Variants in COBL observed in about 807,000 individuals in gnomAD.
COBL encodes cordon-bleu WH2 repeat protein, also known as protein cordon-bleu.
A neutral mutation model predicts 98.8 loss-of-function variants in COBL; 51 were observed. That is an observed-to-expected ratio of 0.52 (90% CI 0.41 to 0.65). COBL has a LOEUF of 0.65. COBL is among the 30% of genes least tolerant of loss of function. The pLI, the probability that COBL is intolerant of heterozygous loss-of-function variation, is 0.00. For missense variants in COBL, 1,617 were observed against 1,617.5 expected (o/e 1.00, Z 0.01); for synonymous variants, 634 against 651.7 (o/e 0.97, Z 0.41).
intron 1 of COBL, among the ~76,000 whole-genome samples, chr7:51,281,338 C>G (rs1487735994): frequency 6.6e-6 from 1 of 152,010 alleles, no homozygotes; most frequent in Non-Finnish European, 1.5e-5. Context: ...TCAATGGGAT[C>G]CTAGAAAGAA....
intron 2 of COBL, among the ~76,000 whole-genome samples, chr7:51,215,018 A>G (rs1447461558): frequency 1.3e-5 from 2 of 151,694 alleles, no homozygotes; most frequent in East Asian, 1.9e-4. Flanking sequence ...TTTTTTTTCT[A>G]CTTGCTGAGG....
At chr7:51,222,689 A>C (rs1793763878) in intron 1 of COBL, among the ~76,000 whole-genome samples, 2 of 152,032 alleles carry the variant, frequency 1.3e-5, no homozygotes, top group African/African-American at 4.8e-5. Context: ...CGGAGACATT[A>C]GCATTACCTC....
intron 7 of COBL, chr7:51,065,465 G>A (rs1192113648): frequency 1.4e-5 from 10 of 691,656 alleles, no homozygotes; most frequent in Middle Eastern, 2.3e-4. Flanking sequence ...GGGGCAAGGA[G>A]GAAATTCAAA....
intron 1 of COBL, among the ~76,000 whole-genome samples, chr7:51,221,402 C>A (rs891935821): frequency 6.6e-6 from 1 of 152,180 alleles, no homozygotes; most frequent in Non-Finnish European, 1.5e-5. Context: ...TAATGGCAAA[C>A]AAATAACCCA....
chr7:51,029,031 G>C lies in COBL; in HGVS notation c.2065C>G (p.His689Asp). ...KNAALAPTSWHQRGQNPGKSY... is the reference protein window; with the variant it reads ...KNAALAPTSWDQRGQNPGKSY... ...TTCCCTGGGTTTTGGCCTCGTTGGT[G>C]CCATGATGTTGGTGCCAAGGCAGCG... The change falls in exon 10 of 13, where the codon CAC becomes GAC. Residue 689 changes from histidine (H) to aspartate (D), a missense_variant. By Grantham distance (81) the His-to-Asp change is moderately conservative (BLOSUM62 -1). This residue lies in a region of COBL where 1,304 missense variants were observed against 1,282.0 expected (regional missense o/e 1.02). Transcript: ENST00000265136. 1 of 1,614,178 alleles carries C rather than the reference G, an allele frequency of 6.2e-7. No homozygotes were observed. The highest frequency in any genetic ancestry group is 8.5e-7 in the Non-Finnish European group (1 of 1,180,032).
At chr7:51,061,923 TA>T (rs201024159) in intron 7 of COBL, among the ~76,000 whole-genome samples, 13 of 138,640 alleles carry the variant, frequency 9.4e-5, no homozygotes, top group Middle Eastern at 3.5e-3. Flanking sequence ...GCCATCCCTA[TA>T]AAAAAAAATC....
chr7:51,277,539 C>T (rs1243051449), intron 1 of COBL, among the ~76,000 whole-genome samples: 5 of 152,316 alleles, frequency 3.3e-5, no homozygotes, highest in Non-Finnish European at 5.9e-5. Flanking sequence ...TCAGCTCACA[C>T]GCAGCAAGAG....
chr7:51,263,721 G>A (rs1338898923), intron 1 of COBL, among the ~76,000 whole-genome samples: 1 of 152,174 alleles, frequency 6.6e-6, no homozygotes, highest in African/African-American at 2.4e-5. Context: ...GGGCTGCCCA[G>A]CAAGGCCTGG....
At chr7:51,114,422 A>G (rs964141664) in intron 6 of COBL, among the ~76,000 whole-genome samples, 1 of 152,220 alleles carries the variant, frequency 6.6e-6, no homozygotes, top group Non-Finnish European at 1.5e-5. Flanking sequence ...TATTTAACAT[A>G]AGAAACATTT....
chr7:51,018,583 A>G (rs1360426990), intron 12 of COBL, among the ~76,000 whole-genome samples: 1 of 151,948 alleles, frequency 6.6e-6, no homozygotes, highest in Non-Finnish European at 1.5e-5. Flanking sequence ...CCCAATACAA[A>G]TTCGTCAACT....
At chr7:51,142,862 A>G (rs758993407) in intron 5 of COBL, among the ~76,000 whole-genome samples, 6 of 152,132 alleles carry the variant, frequency 3.9e-5, no homozygotes, top group Non-Finnish European at 7.3e-5. Flanking sequence ...AAAGGAAATG[A>G]GCCCCGGGGT....
chr7:51,271,655 G>A (rs1798772630), intron 1 of COBL, among the ~76,000 whole-genome samples: 1 of 152,174 alleles, frequency 6.6e-6, no homozygotes, highest in South Asian at 2.1e-4. Flanking sequence ...AAAGACTGAG[G>A]AGGGAAAAAA....
intron 3 of COBL, among the ~76,000 whole-genome samples, chr7:51,191,678 T>G (rs1396412184): frequency 6.6e-6 from 1 of 152,106 alleles, no homozygotes; most frequent in South Asian, 2.1e-4. Flanking sequence ...GCTATAAATA[T>G]ATTTTAAAAA....
intron 1 of COBL, among the ~76,000 whole-genome samples, chr7:51,264,647 G>T (rs970061849): frequency 6.9e-6 from 1 of 144,696 alleles, no homozygotes; most frequent in African/African-American, 2.6e-5. Flanking sequence ...CTCCAGCCTG[G>T]GTGACAGAGC....
intron 6 of COBL, among the ~76,000 whole-genome samples, chr7:51,102,797 C>T (rs1488686559): frequency 3.3e-5 from 5 of 152,118 alleles, no homozygotes; most frequent in Admixed American, 6.5e-5. Context: ...AGTGCCAAGG[C>T]CCATGGGCAA....
At chr7:51,066,522 T>G (rs1355691047) in intron 7 of COBL, among the ~76,000 whole-genome samples, 3 of 152,234 alleles carry the variant, frequency 2.0e-5, no homozygotes, top group Admixed American at 2.0e-4. Flanking sequence ...TTAACTTGCT[T>G]TTGGTTGCAG....
intron 5 of COBL, among the ~76,000 whole-genome samples, chr7:51,145,949 A>G (rs1046708362): frequency 9.9e-5 from 15 of 151,996 alleles, no homozygotes; most frequent in Non-Finnish European, 2.2e-4. Flanking sequence ...GGGAATCAAG[A>G]GTGGGCCCCA....
chr7:51,313,865 T>G (rs1199442529), intron 1 of COBL, among the ~76,000 whole-genome samples: 1 of 152,210 alleles, frequency 6.6e-6, no homozygotes, highest in Non-Finnish European at 1.5e-5. Flanking sequence ...TTCTGAGTAT[T>G]CTGTCAATTC....
intron 2 of COBL, among the ~76,000 whole-genome samples, chr7:51,212,524 A>G (rs906363665): frequency 2.0e-5 from 3 of 152,202 alleles, no homozygotes; most frequent in Non-Finnish European, 4.4e-5. Flanking sequence ...CAGCTGTCCT[A>G]CCAGATCCTC....
Sources: allele counts gnomAD v4.1 joint callset (sites outside exome capture counted in the v4.1 genomes callset), GRCh38; gene constraint gnomAD v4.1.1; regional missense constraint gnomAD v4.1.1; transcripts MANE v1.5; gene names NCBI Gene and HGNC (gene_info 2026-07-23, HGNC 2026-07-21).